TNFSF8: variants seen among roughly 807,000 people sequenced by gnomAD.
TNFSF8 encodes the protein tumor necrosis factor ligand superfamily member 8.
TNFSF8 carries 4 observed loss-of-function variants against 22.0 expected under a neutral mutation model. The ratio of observed to expected loss-of-function variants is 0.18; its 90% confidence interval spans 0.09 to 0.42. TNFSF8 has a LOEUF of 0.42. Ranked by LOEUF, TNFSF8 falls within the 10% of genes least tolerant of loss-of-function variation. The pLI, the probability that TNFSF8 is intolerant of heterozygous loss-of-function variation, is 1.00. For synonymous variants in TNFSF8, 106 were observed against 112.5 expected (o/e 0.94, Z 0.37); for missense variants, 233 against 281.8 (o/e 0.83, Z 1.24).
chr9:114,916,812 T>C (rs867748756), intron 2 of TNFSF8, among the ~76,000 whole-genome samples: 6 of 152,300 alleles, frequency 3.9e-5, no homozygotes, highest in South Asian at 2.1e-4. Flanking sequence ...AACAGAGACA[T>C]AGTGACCCCC....
chr9:114,897,538 A>G (rs147107565), downstream of TNFSF8, among the ~76,000 whole-genome samples: 14 of 152,300 alleles, frequency 9.2e-5, no homozygotes, highest in African/African-American at 3.4e-4. Context: ...GAAGCATGGA[A>G]GGTGACAGCA....
chr9:114,915,043 G>T (rs1827901927), intron 2 of TNFSF8, among the ~76,000 whole-genome samples: 1 of 152,166 alleles, frequency 6.6e-6, no homozygotes, highest in African/African-American at 2.4e-5. Context: ...TCCCTAGAAG[G>T]TGTCTAGCTT....
intron 3 of TNFSF8, among the ~76,000 whole-genome samples, chr9:114,904,611 T>C (rs1827762515): frequency 6.6e-6 from 1 of 152,342 alleles, no homozygotes; most frequent in East Asian, 1.9e-4. Context: ...TGAATCATTA[T>C]CATATTATAT....
At chr9:114,915,422 A>T (rs1476680396) in intron 2 of TNFSF8, among the ~76,000 whole-genome samples, 1 of 152,166 alleles carries the variant, frequency 6.6e-6, no homozygotes, top group Non-Finnish European at 1.5e-5. Context: ...GGAGCCCAGG[A>T]ATATTTTTTC....
At chr9:114,927,294 A>G (rs1468853048) in intron 1 of TNFSF8, among the ~76,000 whole-genome samples, 3 of 152,104 alleles carry the variant, frequency 2.0e-5, no homozygotes, top group African/African-American at 7.2e-5. Flanking sequence ...AATGTCCTGC[A>G]CACAGTAGAT....
In TNFSF8 at chr9:114,901,806, G is replaced by C. The variant is rs552806416; in HGVS notation, c.*2125C>G. 1 of 974,458 alleles carries C rather than the reference G, an allele frequency of 1.0e-6. No homozygotes were observed. Among genetic ancestry groups the C allele is most frequent in the East Asian group, 1.1e-4 (1 of 8,740 alleles). 60.4% of individuals were successfully genotyped at this position (974,458 alleles called of 1,614,324 possible). The stretch of plus-strand genomic sequence containing the variant: ...AGACTTTACTAAATATTTCATAGAG[G>C]AGACCTAGGAGGAGGTTGACACAGC... On this transcript the variant is annotated 3_prime_UTR_variant, in exon 4 of 4. Coordinates refer to ENST00000223795, the MANE Select transcript of TNFSF8 (RefSeq NM_001244.4).
intron 1 of TNFSF8, among the ~76,000 whole-genome samples, chr9:114,921,609 A>C (rs1293292471): frequency 6.6e-6 from 1 of 152,228 alleles, no homozygotes; most frequent in East Asian, 1.9e-4. Flanking sequence ...GTATTACACT[A>C]AGTGTTGTTC....
At chr9:114,915,983 G>A (rs568131273) in intron 2 of TNFSF8, among the ~76,000 whole-genome samples, 3 of 152,298 alleles carry the variant, frequency 2.0e-5, no homozygotes, top group South Asian at 2.1e-4. Context: ...AATGTGATAA[G>A]TGATTTCGTC....
chr9:114,910,207 C>A (rs570012994), intron 2 of TNFSF8, among the ~76,000 whole-genome samples: 1 of 152,126 alleles, frequency 6.6e-6, no homozygotes, highest in African/African-American at 2.4e-5. Context: ...ACAAAACCCT[C>A]CTGGCCAGTT....
intron 2 of TNFSF8, 91 bp downstream of exon 2, chr9:114,918,005 G>C: frequency 7.6e-7 from 1 of 1,318,536 alleles, no homozygotes; most frequent in Non-Finnish European, 1.0e-6. Context: ...TCATGTCATA[G>C]AGTTGTTTCT....
chr9:114,916,619 G>A (rs1378536060), intron 2 of TNFSF8, among the ~76,000 whole-genome samples: 3 of 152,128 alleles, frequency 2.0e-5, no homozygotes, highest in African/African-American at 4.8e-5. Flanking sequence ...CCGTGTGAAC[G>A]TGCATTACAT....
downstream of TNFSF8, among the ~76,000 whole-genome samples, chr9:114,897,006 G>A (rs1171549907): frequency 6.6e-6 from 1 of 152,058 alleles, no homozygotes; most frequent in African/African-American, 2.4e-5. Context: ...GGGTTCAAGC[G>A]ATTCTCCTGC....
At chr9:114,895,679 G>T (rs987161240) in intron 4 of TNFSF8, among the ~76,000 whole-genome samples, 4 of 152,138 alleles carry the variant, frequency 2.6e-5, no homozygotes, top group Non-Finnish European at 4.4e-5. Context: ...GCTTCCCATT[G>T]TACAGCTGAG....
At chr9:114,894,760 C>T (rs560602910) in intron 4 of TNFSF8, among the ~76,000 whole-genome samples, 5 of 152,204 alleles carry the variant, frequency 3.3e-5, no homozygotes, top group East Asian at 1.9e-4. Flanking sequence ...TAACATAAAG[C>T]GGTTTAAGTA....
At chr9:114,929,590 A>G (rs1459365297) in intron 1 of TNFSF8, among the ~76,000 whole-genome samples, 1 of 152,096 alleles carries the variant, frequency 6.6e-6, no homozygotes, top group African/African-American at 2.4e-5. Flanking sequence ...AACCTCCAGG[A>G]CACTCAGACT....
intron 2 of TNFSF8, among the ~76,000 whole-genome samples, chr9:114,907,710 G>A (rs887271523): frequency 1.5e-4 from 23 of 152,220 alleles, no homozygotes; most frequent in Non-Finnish European, 3.4e-4. Flanking sequence ...ATAATAATAT[G>A]AATGGTCATA....
At chr9:114,898,978 G>A (rs1827685245), downstream of TNFSF8, among the ~76,000 whole-genome samples, 1 of 152,060 alleles carries the variant, frequency 6.6e-6, no homozygotes, top group South Asian at 2.1e-4. Flanking sequence ...ACTGCTGCCG[G>A]GCTCCAGAAC....
At chr9:114,910,509 G>A (rs1385815373) in intron 2 of TNFSF8, among the ~76,000 whole-genome samples, 1 of 152,172 alleles carries the variant, frequency 6.6e-6, no homozygotes, top group African/African-American at 2.4e-5. Flanking sequence ...CTGACTTTCA[G>A]TATTCCTGTG....
intron 4 of TNFSF8, among the ~76,000 whole-genome samples, chr9:114,894,721 G>A (rs1827639855): frequency 6.6e-6 from 1 of 152,198 alleles, no homozygotes; most frequent in Non-Finnish European, 1.5e-5. Flanking sequence ...CAAGCGTTCA[G>A]TAAGTGATAG....
Sources: gnomAD v4.1 joint callset for allele counts (sites outside exome capture counted in the v4.1 genomes callset) on GRCh38, gnomAD v4.1.1 for gene constraint, MANE v1.5 for transcripts, NCBI Gene and HGNC (gene_info 2026-07-23, HGNC 2026-07-21) for gene names.